Variants in CCDC91 observed in about 807,000 individuals in gnomAD.
CCDC91 encodes coiled-coil domain-containing protein 91.
Under a neutral mutation model 63.2 loss-of-function variants are expected in CCDC91, and 48 were observed. The ratio of observed to expected loss-of-function variants is 0.76; its 90% CI spans 0.60 to 0.97. CCDC91 has a LOEUF of 0.97. Among genes scored for constraint, CCDC91 ranks in the 50% least tolerant of loss-of-function variants. The pLI is 0.00. For missense variants in CCDC91, 500 were observed against 494.6 expected, an observed-to-expected ratio of 1.01 and a Z score of -0.10; for synonymous variants, 167 against 165.8, an observed-to-expected ratio of 1.01 and a Z score of -0.06.
At chr12:28,210,786 A>G (rs922421931) in intron 1 of CCDC91, among the ~76,000 whole-genome samples, 3 of 152,012 alleles carry the variant, frequency 2.0e-5, no homozygotes, top group African/African-American at 4.8e-5. Context: ...AGGACACCCA[A>G]ATATCAAGCA....
chr12:28,424,021 G>T (rs1948164572), intron 8 of CCDC91, among the ~76,000 whole-genome samples: 1 of 152,086 alleles, frequency 6.6e-6, no homozygotes. Flanking sequence ...TCATACTCCT[G>T]ATCTTGAGTG....
intron 6 of CCDC91, among the ~76,000 whole-genome samples, chr12:28,335,785 T>G (rs1372253723): frequency 6.6e-6 from 1 of 152,106 alleles, no homozygotes; most frequent in Admixed American, 6.5e-5. Flanking sequence ...GCAAACATTC[T>G]TATCTCCCCT....
intron 6 of CCDC91, among the ~76,000 whole-genome samples, chr12:28,315,069 G>T (rs1476723626): frequency 7.3e-5 from 11 of 151,640 alleles, no homozygotes; most frequent in Non-Finnish European, 1.6e-4. Flanking sequence ...ATATAGTGTA[G>T]AAAAGTTTAT....
chr12:28,430,701 A>G (rs1948580517), intron 8 of CCDC91, among the ~76,000 whole-genome samples: 1 of 152,074 alleles, frequency 6.6e-6, no homozygotes, highest in Admixed American at 6.6e-5. Flanking sequence ...CTCTGTTTCC[A>G]TATGTAGTTA....
At chr12:28,477,781 C>T (rs1466460761) in intron 11 of CCDC91, among the ~76,000 whole-genome samples, 1 of 152,138 alleles carries the variant, frequency 6.6e-6, no homozygotes, top group African/African-American at 2.4e-5. Flanking sequence ...GATACAAAAT[C>T]AATGTGCAAA....
intron 7 of CCDC91, among the ~76,000 whole-genome samples, chr12:28,378,141 A>G (rs1333552084): frequency 2.0e-5 from 3 of 152,084 alleles, no homozygotes; most frequent in East Asian, 3.8e-4. Context: ...TAGTAGCTCT[A>G]AAATCATTGT....
chr12:28,521,892 G>T (rs10771433), intron 12 of CCDC91, among the ~76,000 whole-genome samples: 106,759 of 152,032 alleles, frequency 0.7, 37,890 homozygotes, highest in Middle Eastern at 0.77. Flanking sequence ...TTTGTGTATG[G>T]CAAACCAGCC....
intron 11 of CCDC91, among the ~76,000 whole-genome samples, chr12:28,466,124 A>G (rs1950538832): frequency 6.6e-6 from 1 of 152,178 alleles, no homozygotes; most frequent in Non-Finnish European, 1.5e-5. Context: ...GAATTGATCA[A>G]ACAGAAGAAA....
At chr12:28,499,588 G>A (rs1952512226) in intron 12 of CCDC91, among the ~76,000 whole-genome samples, 2 of 151,922 alleles carry the variant, frequency 1.3e-5, no homozygotes, top group South Asian at 4.2e-4. Context: ...TCCCACTTAT[G>A]AGTGAGAACA....
In CCDC91 at chr12:28,291,767, C is replaced by T. The variant is rs1352868373; in HGVS notation, c.110-13882C>T. 2.0e-5 allele frequency among the ~76,000 whole-genome samples: 3 copies of T among 152,178 alleles called. No homozygotes were observed. The East Asian group carries it at 5.8e-4, about 29-fold the overall frequency. ...TTTGATTTTCGCTCAGCTCATGAGG[C>T]ACCCACTTATTGAGCTTTTTCACCT... On this transcript the variant is annotated intron_variant, in intron 3 of 12. Transcript: ENST00000536442.
rs532527285 is a variant in CCDC91 at position 28,197,786 on chromosome 12, G to A, written c.-15+7145G>A. On this transcript the variant is annotated intron_variant, in intron 1 of 12. Coordinates refer to ENST00000536442, the MANE Select transcript of CCDC91 (RefSeq NM_018318.5). ...TGTTATCAGTACTTCTGAAATGTTT[G>A]TCCAAATTTATATCCTCTTAAGTCT... Among the ~76,000 whole-genome samples the A allele has an allele frequency of 3.9e-4, 60 of 152,160 alleles. No homozygotes were observed. In the South Asian group the frequency reaches 0.011, roughly 29 times the overall value.
At chr12:28,362,112 T>C (rs1018819570) in intron 6 of CCDC91, among the ~76,000 whole-genome samples, 4 of 152,072 alleles carry the variant, frequency 2.6e-5, no homozygotes, top group Non-Finnish European at 5.9e-5. Context: ...CTTGTTGCAG[T>C]GACGCAGGGT....
chr12:28,400,521 G>A (rs1946558191), intron 8 of CCDC91, among the ~76,000 whole-genome samples: 1 of 152,120 alleles, frequency 6.6e-6, no homozygotes, highest in South Asian at 2.1e-4. Context: ...TTCTGCTGCA[G>A]GCTTGAATTT....
At chr12:28,225,196 A>C (rs191413063) in intron 1 of CCDC91, among the ~76,000 whole-genome samples, 1 of 152,272 alleles carries the variant, frequency 6.6e-6, no homozygotes, top group East Asian at 1.9e-4. Context: ...TGCAATATAA[A>C]ATTGGAGTGA....
At chr12:28,482,911 A>G (rs566052019) in intron 11 of CCDC91, among the ~76,000 whole-genome samples, 2 of 152,112 alleles carry the variant, frequency 1.3e-5, no homozygotes, top group South Asian at 4.1e-4. Flanking sequence ...ATGCAACCCT[A>G]TAATATAATG....
intron 8 of CCDC91, among the ~76,000 whole-genome samples, chr12:28,413,474 A>G (rs1947448820): frequency 6.6e-6 from 1 of 151,928 alleles, no homozygotes; most frequent in African/African-American, 2.4e-5. Context: ...AACATTTTTG[A>G]TGTTTTTTAG....
At chr12:28,512,254 T>C (rs1939454336) in intron 12 of CCDC91, among the ~76,000 whole-genome samples, 1 of 151,860 alleles carries the variant, frequency 6.6e-6, no homozygotes, top group Admixed American at 6.6e-5. Flanking sequence ...TCTCCATCAA[T>C]ATTACTTTTT....
At chr12:28,290,964 A>G (rs1166455971) in intron 3 of CCDC91, among the ~76,000 whole-genome samples, 2 of 152,312 alleles carry the variant, frequency 1.3e-5, no homozygotes, top group African/African-American at 4.8e-5. Flanking sequence ...CATTCTTTAT[A>G]TGAAGGTATT....
intron 8 of CCDC91, among the ~76,000 whole-genome samples, chr12:28,436,727 G>A (rs1414421996): frequency 2.6e-5 from 4 of 151,460 alleles, no homozygotes; most frequent in Non-Finnish European, 1.5e-5. Flanking sequence ...ACTTTTCAGG[G>A]ACAATTTTGC....
Sources: allele counts gnomAD v4.1 joint callset (sites outside exome capture counted in the v4.1 genomes callset), GRCh38; gene constraint gnomAD v4.1.1; transcripts MANE v1.5; gene names NCBI Gene and HGNC (gene_info 2026-07-23, HGNC 2026-07-21).